Variants in OPCML observed in about 807,000 individuals in gnomAD.
The protein encoded by OPCML is opioid-binding protein/cell adhesion molecule.
A neutral mutation model predicts 37.8 loss-of-function variants in OPCML; 13 were observed. That is an observed-to-expected ratio of 0.34 (90% CI 0.22 to 0.55). OPCML has a LOEUF of 0.55. Among genes scored for constraint, OPCML ranks in the 20% least tolerant of loss-of-function variants. The pLI is 0.91. For synonymous variants in OPCML, 176 were observed against 168.8 expected (o/e 1.04, Z -0.33); for missense variants, 341 against 435.6 (o/e 0.78, Z 1.93).
At chr11:133,310,482 T>A (rs558038454) in intron 1 of OPCML, among the ~76,000 whole-genome samples, 1 of 152,200 alleles carries the variant, frequency 6.6e-6, no homozygotes, top group Non-Finnish European at 1.5e-5. Context: ...TTATACTTTA[T>A]GGCATAAGGT....
chr11:132,727,333 G>T (rs1944922017), intron 2 of OPCML, among the ~76,000 whole-genome samples: 1 of 152,196 alleles, frequency 6.6e-6, no homozygotes, highest in African/African-American at 2.4e-5. Context: ...AGATTTAGGT[G>T]AACCGAGGTT....
At chr11:132,767,811 G>T (rs1041190853) in intron 2 of OPCML, among the ~76,000 whole-genome samples, 11 of 147,430 alleles carry the variant, frequency 7.5e-5, no homozygotes, top group Admixed American at 2.0e-4. Flanking sequence ...TAATAGCTTG[G>T]AAAAAAAAAA....
intron 1 of OPCML, among the ~76,000 whole-genome samples, chr11:133,456,694 C>T (rs781617759): frequency 1.4e-5 from 2 of 147,130 alleles, no homozygotes; most frequent in Admixed American, 6.8e-5. Flanking sequence ...GATATATGAA[C>T]AAAATAATAA....
chr11:133,493,402 C>T (rs1009896348), intron 1 of OPCML, among the ~76,000 whole-genome samples: 5 of 152,158 alleles, frequency 3.3e-5, no homozygotes, highest in East Asian at 3.9e-4. Flanking sequence ...AAAGTCACCT[C>T]GAATCTCGTT....
chr11:132,450,304 G>T (rs577464876), intron 4 of OPCML, among the ~76,000 whole-genome samples: 3 of 152,298 alleles, frequency 2.0e-5, no homozygotes, highest in South Asian at 4.1e-4. Context: ...AGAAAATGTC[G>T]CTGTGAGGGA....
In OPCML at chr11:133,287,634, C is replaced by T. The variant is rs141832509; in HGVS notation, c.61+244630G>A. Among the ~76,000 whole-genome samples, 987 of 152,022 alleles carry T rather than the reference C, an allele frequency of 6.5e-3. 17 individuals are homozygous for T. Among genetic ancestry groups the T allele is most frequent in the African/African-American group, 0.023 (940 of 41,460 alleles). On this transcript the variant is annotated intron_variant, in intron 1 of 7. Transcript: ENST00000524381. ...AGGAGGCATGGAGAATGGGCTGCAG[C>T]GCCTGGGGCAGGGGCTCCCAGCAGA...
At chr11:132,912,696 T>C (rs994361296) in intron 2 of OPCML, among the ~76,000 whole-genome samples, 12 of 152,356 alleles carry the variant, frequency 7.9e-5, no homozygotes, top group African/African-American at 2.9e-4. Flanking sequence ...TATCAACTAT[T>C]TGGAATACCA....
intron 1 of OPCML, among the ~76,000 whole-genome samples, chr11:133,241,505 GTT>G (rs1217329217): frequency 1.3e-5 from 2 of 152,194 alleles, no homozygotes; most frequent in African/African-American, 4.8e-5. Flanking sequence ...ATGTAGGCAT[GTT>G]TTATCGTCAT....
At chr11:133,101,379 G>C (rs757526414) in intron 1 of OPCML, among the ~76,000 whole-genome samples, 7 of 152,076 alleles carry the variant, frequency 4.6e-5, no homozygotes, top group Admixed American at 3.3e-4. Context: ...TTTGTTAAAG[G>C]CATATGTGAT....
At chr11:133,113,411 A>C (rs6590681) in intron 1 of OPCML, among the ~76,000 whole-genome samples, 1 of 152,190 alleles carries the variant, frequency 6.6e-6, no homozygotes, top group African/African-American at 2.4e-5. Context: ...AGAAAAAGGG[A>C]GAAGAACAAG....
At chr11:132,545,052 T>C (rs1305328977) in intron 3 of OPCML, among the ~76,000 whole-genome samples, 2 of 152,192 alleles carry the variant, frequency 1.3e-5, no homozygotes, top group Non-Finnish European at 2.9e-5. Context: ...TCATTAAACA[T>C]TGTCTATTTT....
In OPCML at chr11:132,807,188, G is replaced by A. The variant is rs537877362; in HGVS notation, c.146+135738C>T. Among the ~76,000 whole-genome samples the A allele has an allele frequency of 6.6e-4, 100 of 152,170 alleles. 1 individual carries two copies. The Middle Eastern group carries it at 0.014, about 21-fold the overall frequency. On this transcript the variant is annotated intron_variant, in intron 2 of 7. Coordinates refer to ENST00000524381, the MANE Select transcript of OPCML (RefSeq NM_001012393.5). The stretch of plus-strand genomic sequence containing the variant: ...AACAAACATAAGAGCAAAACCCAAT[G>A]AACTAGAAAACACACAATAGAGAAA...
chr11:133,178,648 G>A (rs980042329), intron 1 of OPCML, among the ~76,000 whole-genome samples: 3 of 152,114 alleles, frequency 2.0e-5, no homozygotes, highest in Non-Finnish European at 4.4e-5. Flanking sequence ...CCAGGACAGT[G>A]TGTGTCCTGA....
intron 2 of OPCML, among the ~76,000 whole-genome samples, chr11:132,923,073 C>T (rs1944863090): frequency 1.0e-5 from 1 of 100,146 alleles, no homozygotes; most frequent in Non-Finnish European, 2.0e-5. Context: ...GACTCCGTCT[C>T]AGAAAAAAAT....
chr11:133,017,824 T>C (rs1212066373), intron 1 of OPCML, among the ~76,000 whole-genome samples: 5 of 152,196 alleles, frequency 3.3e-5, no homozygotes, highest in African/African-American at 1.2e-4. Flanking sequence ...ACATACACAC[T>C]CTAGGAGTGA....
intron 1 of OPCML, among the ~76,000 whole-genome samples, chr11:133,416,350 G>T (rs1945764947): frequency 6.6e-6 from 1 of 152,092 alleles, no homozygotes; most frequent in Non-Finnish European, 1.5e-5. Flanking sequence ...AAATAAAGAT[G>T]TCTGTATAAC....
chr11:133,495,466 A>G (rs1565667142), intron 1 of OPCML, among the ~76,000 whole-genome samples: 1 of 152,134 alleles, frequency 6.6e-6, no homozygotes, highest in Non-Finnish European at 1.5e-5. Flanking sequence ...TTAGTTCTTT[A>G]AGGAATCTCC....
chr11:133,067,870 A>T (rs1186791776), intron 1 of OPCML: 1 of 152,116 alleles, frequency 6.6e-6, no homozygotes, highest in Non-Finnish European at 1.5e-5. Flanking sequence ...CGCTGGGGAA[A>T]ATGCTTATCA....
chr11:132,694,179 CTTTTT>C (rs1162305568), intron 2 of OPCML, among the ~76,000 whole-genome samples: 12 of 43,006 alleles, frequency 2.8e-4, no homozygotes, highest in Admixed American at 7.9e-4. Flanking sequence ...AAATCAATGT[CTTTTT>C]TTTTTTTTTT....
Sources: gnomAD v4.1 joint callset for allele counts (sites outside exome capture counted in the v4.1 genomes callset) on GRCh38, gnomAD v4.1.1 for gene constraint, MANE v1.5 for transcripts, NCBI Gene and HGNC (gene_info 2026-07-23, HGNC 2026-07-21) for gene names.